GLB1: variants seen among roughly 807,000 people sequenced by gnomAD.
The protein encoded by GLB1 is galactosidase beta 1, also known as beta-galactosidase.
In GLB1, 56 loss-of-function variants were observed where a neutral mutation model predicts 74.0. The ratio of observed to expected loss-of-function variants is 0.76; its 90% CI spans 0.61 to 0.94. GLB1 has a LOEUF of 0.94. Ranked by LOEUF, GLB1 falls within the 40% of genes least tolerant of loss-of-function variation. The pLI is 0.00. For synonymous variants in GLB1, 323 were observed against 323.6 expected (o/e 1.00, Z 0.02); for missense variants, 787 against 845.5 (o/e 0.93, Z 0.86).
chr3:33,056,480 C>T (rs900360632), intron 6 of GLB1, among the ~76,000 whole-genome samples: 2 of 151,490 alleles, frequency 1.3e-5, no homozygotes, highest in Non-Finnish European at 2.9e-5. Context: ...GTGGCACAAT[C>T]ACAGCTCACC....
At chr3:33,027,903 T>G (rs1697837899) in intron 10 of GLB1, among the ~76,000 whole-genome samples, 1 of 152,060 alleles carries the variant, frequency 6.6e-6, no homozygotes, top group South Asian at 2.1e-4. Context: ...ATTTAAAAAT[T>G]ATCATTTTTT....
chr3:33,052,098 G>C (rs1233424634), intron 7 of GLB1, 94 bp from the exon 8 acceptor site: 24 of 1,595,784 alleles, frequency 1.5e-5, no homozygotes. Context: ...CAGGTGTAAA[G>C]GGGGTTGACA....
chr3:32,966,126 G>A, the GLB1 span, among the ~76,000 whole-genome samples: 1 of 152,146 alleles, frequency 6.6e-6, no homozygotes, highest in South Asian at 2.1e-4. Flanking sequence ...GTGAGAAGAG[G>A]GCCACTGTCC....
At chr3:32,993,522 A>ATTTTTTTT (rs746774682), downstream of GLB1, among the ~76,000 whole-genome samples, 1 of 62,286 alleles carries the variant, frequency 1.6e-5, no homozygotes, top group Non-Finnish European at 2.9e-5. Flanking sequence ...CATCCAGCTA[A>ATTTTTTTT]TTTTTTTTTT....
intron 14 of GLB1, among the ~76,000 whole-genome samples, chr3:33,016,297 C>T (rs1697233220): frequency 6.6e-6 from 1 of 152,218 alleles, no homozygotes; most frequent in Non-Finnish European, 1.5e-5. Context: ...GGGAAAGGTT[C>T]TGTTTGCAAA....
At chr3:33,018,285 CAAAAAAAAAAAAAAAAAA>C (rs57833238) in intron 13 of GLB1, among the ~76,000 whole-genome samples, 145 bp downstream of exon 13, 7 of 41,970 alleles carry the variant, frequency 1.7e-4, no homozygotes, top group African/African-American at 4.9e-4. Context: ...AACCCTGTCT[CAAAAAAAAAAAAAAAAAA>C]AAAAAAAAAA....
At chr3:32,989,788 C>T in the GLB1 span, among the ~76,000 whole-genome samples, 1 of 152,204 alleles carries the variant, frequency 6.6e-6, no homozygotes, top group South Asian at 2.1e-4. Flanking sequence ...GTGTGAGTTT[C>T]AGGCCCCTGA....
chr3:33,081,081 G>T (rs1314600354), intron 1 of GLB1, among the ~76,000 whole-genome samples: 1 of 152,208 alleles, frequency 6.6e-6, no homozygotes, highest in Non-Finnish European at 1.5e-5. Flanking sequence ...TCATTGAAAG[G>T]AGTGTGAGGT....
intron 1 of GLB1, chr3:33,077,292 TG>T (rs1700148468): frequency 6.4e-7 from 1 of 1,573,664 alleles, no homozygotes; most frequent in African/African-American, 1.3e-5. Flanking sequence ...GGTTCTGTGG[TG>T]CAGTTTAGGA....
chr3:33,014,777 G>A (rs894230256), intron 14 of GLB1, among the ~76,000 whole-genome samples: 3 of 152,146 alleles, frequency 2.0e-5, no homozygotes, highest in Admixed American at 1.3e-4. Flanking sequence ...GACCAACCTG[G>A]CCAACATGAT....
chr3:33,014,448 A>G, intron 14 of GLB1, 138 bp from the exon 15 acceptor site: 2 of 1,314,684 alleles, frequency 1.5e-6, no homozygotes, highest in Non-Finnish European at 1.0e-6. Context: ...ATATGTGTAC[A>G]TCGAAGTAAC....
the GLB1 span, among the ~76,000 whole-genome samples, chr3:32,979,063 G>A: frequency 0.74 from 110,996 of 150,346 alleles, 43,093 homozygotes; most frequent in East Asian, 0.93. Context: ...CGCAACCACC[G>A]CCTCCTGGGT....
Position 33,052,057 on chromosome 3 carries a change from C to T in GLB1, c.793-53G>A, listed in dbSNP as rs1432975082. 8.7e-6 allele frequency: 14 copies of T among 1,605,712 alleles called. No homozygotes were observed. In the South Asian group the frequency reaches 9.9e-5, roughly 11 times the overall value. ...AGGATAGACTTATGACCTTCCAATG[C>T]CAGGGCTTCCCTGCAATGCCCCATC... On this transcript the variant is annotated intron_variant, in intron 7 of 15. Coordinates refer to ENST00000307363, the MANE Select transcript of GLB1 (RefSeq NM_000404.4).
chr3:33,089,376 A>G (rs557556168), intron 1 of GLB1, among the ~76,000 whole-genome samples: 1 of 152,332 alleles, frequency 6.6e-6, no homozygotes, highest in African/African-American at 2.4e-5. Context: ...GTATCTGATA[A>G]GGGGTTAATG....
intron 10 of GLB1, among the ~76,000 whole-genome samples, chr3:33,040,898 T>C (rs955059287): frequency 2.0e-5 from 3 of 152,210 alleles, no homozygotes; most frequent in African/African-American, 7.2e-5. Context: ...TGTGAACTTA[T>C]AGAATGAAAA....
chr3:33,038,268 A>C (rs78672100), intron 10 of GLB1, among the ~76,000 whole-genome samples: 7,026 of 152,264 alleles, frequency 0.046, 212 homozygotes, highest in Non-Finnish European at 0.063. Context: ...CTGGTGTTGA[A>C]TGTTTGTATA....
At chr3:33,055,209 G>T (rs1270369871) in intron 6 of GLB1, among the ~76,000 whole-genome samples, 1 of 152,204 alleles carries the variant, frequency 6.6e-6, no homozygotes, top group Admixed American at 6.5e-5. Flanking sequence ...CAGGCACCCT[G>T]GCCTTGTGGT....
intron 4 of GLB1, among the ~76,000 whole-genome samples, chr3:33,067,456 A>ATTTTTATAT (rs111616436): frequency 6.6e-6 from 1 of 151,654 alleles, no homozygotes; most frequent in Non-Finnish European, 1.5e-5. Flanking sequence ...CACCTGGCTA[A>ATTTTTATAT]TTTTTATAGA....
At position 33,090,864 on chromosome 3, in the gene GLB1, G is replaced by GGGTA. The variant is rs1306399395; in HGVS notation, c.75+6143_75+6146dup. 5.1e-6 allele frequency: 5 copies of GGGTA among 985,228 alleles called. No individual in the cohort carries two copies. The East Asian group carries it at 3.4e-4, about 67-fold the overall frequency. 61.0% of individuals were successfully genotyped at this position (985,228 alleles called of 1,614,324 possible). A position where few individuals can be genotyped will look rare whatever the true frequency, so the allele number is the denominator to read the frequency against. On this transcript the variant is annotated intron_variant, in intron 1 of 15. Transcript: ENST00000307363. The stretch of plus-strand genomic sequence containing the variant: ...AAGCAAGGACTTCAGAGTGGATGAA[G>GGGTA]GGTACATAAGACCACACAATGATGG...
Sources: allele counts gnomAD v4.1 joint callset (sites outside exome capture counted in the v4.1 genomes callset), GRCh38; gene constraint gnomAD v4.1.1; transcripts MANE v1.5; gene names NCBI Gene and HGNC (gene_info 2026-07-23, HGNC 2026-07-21).